Variants in KIFAP3 observed in about 807,000 individuals in gnomAD.
KIFAP3 encodes the protein kinesin associated protein 3, also known as kinesin-associated protein 3.
Under a neutral mutation model 106.5 loss-of-function variants are expected in KIFAP3, and 68 were observed. The observed-to-expected ratio is 0.64, with a 90% CI of 0.53 to 0.78. The LOEUF is 0.78. Among genes scored for constraint, KIFAP3 ranks in the 30% least tolerant of loss-of-function variants. KIFAP3 has a pLI of 0.00. For missense variants in KIFAP3, 780 were observed against 941.8 expected (o/e 0.83, Z 2.25); for synonymous variants, 320 against 311.5 (o/e 1.03, Z -0.29).
chr1:169,934,280 G>A (rs1007202332), intron 19 of KIFAP3, among the ~76,000 whole-genome samples: 1 of 152,056 alleles, frequency 6.6e-6, no homozygotes, highest in East Asian at 1.9e-4. Context: ...GTGGCCAATC[G>A]TTCTTTCCTT....
chr1:169,982,820 CTCT>C lies in KIFAP3; in HGVS notation c.1551_1553del (p.Glu519del), dbSNP rs749919754. The stretch of plus-strand genomic sequence containing the variant: ...TTCCCAAACATTCAATCACAAACTC[CTCT>C]TCTTCATCATTAGAGATCTGGGCTG... On this transcript the variant is annotated inframe_deletion, in exon 14 of 20. Transcript: ENST00000361580. The C allele has an allele frequency of 2.5e-6, 4 of 1,605,312 alleles. No individual in the cohort carries two copies. Among genetic ancestry groups the C allele is most frequent in the African/African-American group, 1.3e-5 (1 of 74,694 alleles).
intron 15 of KIFAP3, among the ~76,000 whole-genome samples, 156 bp downstream of exon 15, chr1:169,981,816 G>T (rs1666538215): frequency 6.6e-6 from 1 of 152,068 alleles, no homozygotes. Context: ...ATCCCAGTTA[G>T]CAGTATATTT....
chr1:170,056,168 G>A (rs1231653470), intron 1 of KIFAP3, among the ~76,000 whole-genome samples: 1 of 150,664 alleles, frequency 6.6e-6, no homozygotes, highest in Non-Finnish European at 1.5e-5. Flanking sequence ...CAAAAGACAC[G>A]AAGAAATTGT....
upstream of KIFAP3, among the ~76,000 whole-genome samples, chr1:170,076,744 T>C (rs1571781475): frequency 6.6e-6 from 1 of 152,218 alleles, no homozygotes; most frequent in East Asian, 1.9e-4. Context: ...TAGTTACTAT[T>C]TTGCAAGCAC....
In KIFAP3 at chr1:170,064,544, G is replaced by T. The variant is rs564568552; in HGVS notation, c.33-9108C>A. On this transcript the variant is annotated intron_variant, in intron 1 of 19. Coordinates refer to ENST00000361580, the MANE Select transcript of KIFAP3 (RefSeq NM_014970.4). ...AAGTTTTGTATTTTTTATAGAGATGGGGTTTCAACATATTGCCCAGGCTAG... is the reference window on the plus strand; with the variant it reads ...AAGTTTTGTATTTTTTATAGAGATGTGGTTTCAACATATTGCCCAGGCTAG... Among the ~76,000 whole-genome samples, 4 of 152,212 alleles carry T rather than the reference G, an allele frequency of 2.6e-5. No homozygotes were observed. The South Asian group carries it at 8.3e-4, about 32-fold the overall frequency.
intron 8 of KIFAP3, 26 bp from the exon 9 acceptor site, chr1:170,024,622 T>C: frequency 2.2e-6 from 3 of 1,335,730 alleles, no homozygotes; most frequent in Non-Finnish European, 1.0e-6. Flanking sequence ...ATATGAGAGA[T>C]AAAGAATTAG....
intron 3 of KIFAP3, among the ~76,000 whole-genome samples, chr1:170,046,454 C>T (rs1239104025): frequency 6.6e-6 from 1 of 151,926 alleles, no homozygotes; most frequent in Non-Finnish European, 1.5e-5. Flanking sequence ...CTTTTTTATT[C>T]TTACTTCAGT....
At chr1:170,044,987 G>A (rs1402483660) in intron 3 of KIFAP3, among the ~76,000 whole-genome samples, 1 of 152,128 alleles carries the variant, frequency 6.6e-6, no homozygotes, top group Non-Finnish European at 1.5e-5. Context: ...CACAATTGTG[G>A]AAACTTCCTT....
At chr1:169,935,953 A>G (rs1170348847) in intron 19 of KIFAP3, among the ~76,000 whole-genome samples, 1 of 151,966 alleles carries the variant, frequency 6.6e-6, no homozygotes, top group Non-Finnish European at 1.5e-5. Context: ...TTGGGCTAAT[A>G]TTGGAAGATT....
At chr1:170,042,965 G>A (rs1020924915) in intron 3 of KIFAP3, among the ~76,000 whole-genome samples, 22 of 152,094 alleles carry the variant, frequency 1.4e-4, no homozygotes, top group Non-Finnish European at 2.8e-4. Context: ...TGAATATTAC[G>A]CTTTTTTCAT....
At chr1:170,081,654 C>A (rs989920928) in intron 1 of KIFAP3, among the ~76,000 whole-genome samples, 7 of 152,190 alleles carry the variant, frequency 4.6e-5, no homozygotes, top group African/African-American at 9.7e-5. Context: ...ACAGGTCCTT[C>A]TTCTCTTATC....
At chr1:170,051,539 A>G (rs1236504661) in intron 2 of KIFAP3, among the ~76,000 whole-genome samples, 1 of 152,236 alleles carries the variant, frequency 6.6e-6, no homozygotes, top group Non-Finnish European at 1.5e-5. Context: ...AACAGAATAT[A>G]CATTTTTCTA....
At chr1:170,033,148 G>A (rs571592320) in intron 7 of KIFAP3, among the ~76,000 whole-genome samples, 2 of 151,838 alleles carry the variant, frequency 1.3e-5, no homozygotes, top group South Asian at 2.1e-4. Flanking sequence ...CTAGATGCCA[G>A]AAGTTTATGG....
At chr1:170,045,242 C>T (rs1243251251) in intron 3 of KIFAP3, among the ~76,000 whole-genome samples, 1 of 152,104 alleles carries the variant, frequency 6.6e-6, no homozygotes, top group African/African-American at 2.4e-5. Flanking sequence ...TAGTGTTCCT[C>T]ACCTGCGATA....
intron 9 of KIFAP3, among the ~76,000 whole-genome samples, chr1:170,021,936 TCTTTC>T (rs1253771407): frequency 7.3e-4 from 106 of 145,738 alleles, no homozygotes; most frequent in Non-Finnish European, 1.3e-3. Flanking sequence ...TTCTTTCTTT[TCTTTC>T]TTTTTTTTTT....
chr1:169,929,441 T>C (rs1263803127), intron 19 of KIFAP3, among the ~76,000 whole-genome samples: 2 of 152,118 alleles, frequency 1.3e-5, no homozygotes, highest in African/African-American at 4.8e-5. Flanking sequence ...TTCTAAAATT[T>C]TTCATTGAAC....
intron 19 of KIFAP3, among the ~76,000 whole-genome samples, chr1:169,924,405 A>T (rs1024357195): frequency 1.1e-4 from 17 of 152,244 alleles, no homozygotes; most frequent in African/African-American, 3.9e-4. Flanking sequence ...AAGGAATAAA[A>T]TTTGAAACCA....
Position 169,971,665 on chromosome 1 carries a change from T to C in KIFAP3, c.1983+848A>G, listed in dbSNP as rs529942633. Reference sequence around the variant, plus strand: ...TACATCACTAGCAGAAAATCCAACTTAGTGGATTTCCAACTAAGTTATTGA... The same window carrying C: ...TACATCACTAGCAGAAAATCCAACTCAGTGGATTTCCAACTAAGTTATTGA... On this transcript the variant is annotated intron_variant, in intron 17 of 19. Coordinates refer to ENST00000361580, the MANE Select transcript of KIFAP3 (RefSeq NM_014970.4). Among the ~76,000 whole-genome samples the C allele has an allele frequency of 3.3e-5, 5 of 152,120 alleles. No individual in the cohort carries two copies. In the South Asian group the frequency reaches 6.2e-4, roughly 19 times the overall value.
chr1:170,079,346 G>C (rs1401870633), upstream of KIFAP3, among the ~76,000 whole-genome samples: 1 of 152,100 alleles, frequency 6.6e-6, no homozygotes, highest in Non-Finnish European at 1.5e-5. Flanking sequence ...CCTACTTCTT[G>C]TACAGCCTGA....
Sources: gnomAD v4.1 joint callset for allele counts (sites outside exome capture counted in the v4.1 genomes callset) on GRCh38, gnomAD v4.1.1 for gene constraint, MANE v1.5 for transcripts, NCBI Gene and HGNC (gene_info 2026-07-23, HGNC 2026-07-21) for gene names.